The following ZCCHC2 variants were observed in gnomAD, a reference collection of about 807,000 sequenced individuals.
ZCCHC2 encodes the protein zinc finger CCHC domain-containing protein 2.
In ZCCHC2, 39 loss-of-function variants were observed where a neutral mutation model predicts 103.6. That is an observed-to-expected ratio of 0.38 (90% CI 0.29 to 0.49). The LOEUF (loss-of-function observed/expected upper bound fraction) is 0.49. Ranked by LOEUF, ZCCHC2 falls within the 20% of genes least tolerant of loss-of-function variation. ZCCHC2 has a pLI of 0.96. For missense variants in ZCCHC2, 1,483 were observed against 1,491.0 expected (o/e 0.99, Z 0.09); for synonymous variants, 687 against 608.9 (o/e 1.13, Z -1.89).
chr18:62,575,044 A>ACATCAGTG lies in ZCCHC2; in HGVS notation c.2965_2972dup (p.Val992SerfsTer13). 1 of 1,613,978 alleles carries ACATCAGTG rather than the reference A, an allele frequency of 6.2e-7. No homozygotes were observed. Among genetic ancestry groups the ACATCAGTG allele is most frequent in the Non-Finnish European group, 8.5e-7 (1 of 1,179,882 alleles). On this transcript the variant is annotated frameshift_variant, in exon 13 of 14. Transcript: ENST00000269499. LOFTEE classifies it high-confidence loss of function. ...ACCGCGCAGAGTGACAGCACCTCTT[A>ACATCAGTG]CATCAGTGCTGTGGGGAACACGAAC...
Position 62,577,252 on chromosome 18 carries a change from G to A in ZCCHC2, c.*673G>A, listed in dbSNP as rs747275001. 9 of 152,598 alleles carry A rather than the reference G, an allele frequency of 5.9e-5. No individual in the cohort carries two copies. Among genetic ancestry groups the A allele is most frequent in the Non-Finnish European group, 1.3e-4 (9 of 68,038 alleles). The allele number at this position is 152,598 out of a possible 1,614,324, so 9.5% of individuals were successfully genotyped here. On this transcript the variant is annotated 3_prime_UTR_variant, in exon 14 of 14. Coordinates refer to ENST00000269499, the MANE Select transcript of ZCCHC2 (RefSeq NM_017742.6). ...GAAATGAAAATAAGTGGAAGAGAGAGGAAGAAGTCAAACCATATGAAACTG... is the reference window on the plus strand; with the variant it reads ...GAAATGAAAATAAGTGGAAGAGAGAAGAAGAAGTCAAACCATATGAAACTG...
intron 9 of ZCCHC2, among the ~76,000 whole-genome samples, chr18:62,564,002 T>C (rs1168825131): frequency 6.6e-6 from 1 of 152,224 alleles, no homozygotes; most frequent in Non-Finnish European, 1.5e-5. Context: ...GGAATGAAAC[T>C]TCTCTCTAGA....
intron 4 of ZCCHC2, among the ~76,000 whole-genome samples, chr18:62,545,392 C>T (rs1278613831): frequency 2.6e-5 from 4 of 152,064 alleles, no homozygotes; most frequent in African/African-American, 9.7e-5. Context: ...GTGCACTTCC[C>T]TGAAATAGTT....
chr18:62,539,904 C>T (rs145243570), intron 2 of ZCCHC2, 112 bp downstream of exon 2: 9 of 822,144 alleles, frequency 1.1e-5, no homozygotes, highest in African/African-American at 1.7e-5. Context: ...GTGGAGAAGT[C>T]CTACTGGTCC....
At chr18:62,527,247 G>A (rs1914469450) in intron 1 of ZCCHC2, among the ~76,000 whole-genome samples, 1 of 151,998 alleles carries the variant, frequency 6.6e-6, no homozygotes, top group Non-Finnish European at 1.5e-5. Context: ...CTTGTATCCA[G>A]TACTGAATCA....
intron 4 of ZCCHC2, 25 bp from the exon 5 acceptor site, chr18:62,550,323 G>A (rs765727025): frequency 3.3e-6 from 5 of 1,530,016 alleles, no homozygotes; most frequent in Non-Finnish European, 4.5e-6. Flanking sequence ...ACTTAACATT[G>A]GATATTGTGG....
intron 6 of ZCCHC2, chr18:62,558,475 G>T (rs748705692): frequency 1.5e-5 from 5 of 328,622 alleles, no homozygotes; most frequent in Non-Finnish European, 2.8e-5. Flanking sequence ...GTCCAGGTCA[G>T]TCGCTCTTCA....
intron 13 of ZCCHC2, among the ~76,000 whole-genome samples, chr18:62,575,988 G>A (rs1251403627): frequency 6.6e-6 from 1 of 150,830 alleles, no homozygotes; most frequent in Non-Finnish European, 1.5e-5. Flanking sequence ...GCTGCCTCAT[G>A]CCTGTTTCCC....
intron 1 of ZCCHC2, among the ~76,000 whole-genome samples, chr18:62,533,046 C>T (rs1914759992): frequency 6.6e-6 from 1 of 152,034 alleles, no homozygotes; most frequent in African/African-American, 2.4e-5. Flanking sequence ...CCACTGCACT[C>T]CAGCCTGGGT....
At chr18:62,554,296 T>C (rs1046759600) in intron 5 of ZCCHC2, among the ~76,000 whole-genome samples, 2 of 152,224 alleles carry the variant, frequency 1.3e-5, no homozygotes, top group Non-Finnish European at 2.9e-5. Flanking sequence ...GAAGTACTTA[T>C]TAGTGATACA....
intron 1 of ZCCHC2, chr18:62,525,258 A>G (rs1415529017): frequency 6.6e-6 from 1 of 152,200 alleles, no homozygotes; most frequent in Non-Finnish European, 1.5e-5. Context: ...AACATTAAAG[A>G]TGAATTTTTT....
At position 62,523,865 on chromosome 18, in the gene ZCCHC2, C is replaced by T. The variant is rs780744792; in HGVS notation, c.441C>T (p.Asp147=). ...LARKDYHYLR[D]SEAKANGLSD... ...GCAAGGACTACCACTACCTGCGCGA[C>T]TCGGAGGCCAAGGCCAACGGCCTCT... The change falls in exon 1 of 14, where the codon GAC becomes GAT. Residue 147 remains aspartate, a synonymous_variant. Transcript: ENST00000269499. The T allele has an allele frequency of 1.3e-6, 2 of 1,544,296 alleles. No individual in the cohort carries two copies. The highest frequency in any genetic ancestry group is 8.7e-7 in the Non-Finnish European group (1 of 1,146,202).
At chr18:62,528,954 G>A (rs1333658780) in intron 1 of ZCCHC2, among the ~76,000 whole-genome samples, 1 of 152,082 alleles carries the variant, frequency 6.6e-6, no homozygotes, top group Non-Finnish European at 1.5e-5. Flanking sequence ...GAGGTCAGGA[G>A]TTAGAGACCA....
At chr18:62,524,463 G>C (rs1292630299) in intron 1 of ZCCHC2, 100 bp downstream of exon 1, 1 of 1,395,368 alleles carries the variant, frequency 7.2e-7, no homozygotes, top group Non-Finnish European at 9.2e-7. Context: ...CCCCAGCCCG[G>C]CGCAGGTGGC....
At chr18:62,556,054 C>G (rs533050751) in intron 5 of ZCCHC2, 149 bp from the exon 6 acceptor site, 36 of 608,148 alleles carry the variant, frequency 5.9e-5, no homozygotes, top group African/African-American at 5.7e-4. Flanking sequence ...ATAGGAAATA[C>G]ATTAGAAAAT....
intron 8 of ZCCHC2, 149 bp downstream of exon 8, chr18:62,560,793 CT>C (rs772750253): frequency 1.3e-5 from 8 of 632,394 alleles, no homozygotes; most frequent in East Asian, 3.0e-5. Context: ...CCTTTTCTCA[CT>C]TTTTTTGCCT....
chr18:62,547,762 A>G (rs1915483694), intron 4 of ZCCHC2, among the ~76,000 whole-genome samples: 1 of 151,974 alleles, frequency 6.6e-6, no homozygotes, highest in Non-Finnish European at 1.5e-5. Context: ...GAGTTTTGCC[A>G]TGTTGCCCAG....
Position 62,558,566 on chromosome 18 carries a change from G to C in ZCCHC2, c.1409-121G>C, listed in dbSNP as rs1044173578. 4.5e-5 allele frequency: 25 copies of C among 557,924 alleles called. 1 individual carries two copies. The highest frequency in any genetic ancestry group is 9.3e-6 in the Non-Finnish European group (3 of 322,748). The allele number at this position is 557,924 out of a possible 1,614,324, so 34.6% of individuals were successfully genotyped here. A position where few individuals can be genotyped will look rare whatever the true frequency, so the allele number is the denominator to read the frequency against. On this transcript the variant is annotated intron_variant, in intron 6 of 13. Coordinates refer to ENST00000269499, the MANE Select transcript of ZCCHC2 (RefSeq NM_017742.6). Reference sequence around the variant, plus strand: ...GTGTCATCTTGCCTTCTCACTAGTAGCCATGTTTTCTTCACCACTCACCCT... The same window carrying C: ...GTGTCATCTTGCCTTCTCACTAGTACCCATGTTTTCTTCACCACTCACCCT...
rs1914136141 is a variant in ZCCHC2, at chr18:62,523,350, C to CGCCTCG, written c.-71_-66dup. ...GCCCCGCTCCTGACGGCCGCGCCGC[C>CGCCTCG]GCCTCGGCCCGTGCTCCACCTCGCG... On this transcript the variant is annotated 5_prime_UTR_variant, in exon 1 of 14. Transcript: ENST00000269499. 1 of 992,630 alleles carries CGCCTCG rather than the reference C, an allele frequency of 1.0e-6. No individual in the cohort carries two copies. The highest frequency in any genetic ancestry group is 1.8e-5 in the African/African-American group (1 of 56,970). 61.5% of individuals were successfully genotyped at this position (992,630 alleles called of 1,614,324 possible). A position where few individuals can be genotyped will look rare whatever the true frequency, so the allele number is the denominator to read the frequency against.
Sources: allele counts gnomAD v4.1 joint callset (sites outside exome capture counted in the v4.1 genomes callset), GRCh38; gene constraint gnomAD v4.1.1; transcripts MANE v1.5; gene names NCBI Gene and HGNC (gene_info 2026-07-23, HGNC 2026-07-21).